ANO3: variants seen among roughly 807,000 people sequenced by gnomAD.
The protein encoded by ANO3 is anoctamin 3.
A neutral mutation model predicts 144.8 loss-of-function variants in ANO3; 99 were observed. The observed-to-expected ratio is 0.68, with a 90% CI of 0.58 to 0.81. ANO3 has a LOEUF of 0.81. Among genes scored for constraint, ANO3 ranks in the 30% least tolerant of loss-of-function variants. ANO3 has a pLI of 0.00. For synonymous variants in ANO3, 414 were observed against 392.6 expected (o/e 1.05, Z -0.64); for missense variants, 905 against 1,202.2 (o/e 0.75, Z 3.66).
intron 10 of ANO3, among the ~76,000 whole-genome samples, chr11:26,541,341 T>C (rs889349745): frequency 1.3e-5 from 2 of 152,140 alleles, no homozygotes; most frequent in African/African-American, 2.4e-5. Flanking sequence ...AAATACCTAA[T>C]GCAGATGACA....
intron 7 of ANO3, among the ~76,000 whole-genome samples, chr11:26,526,764 T>G (rs16915828): frequency 0.16 from 23,722 of 152,084 alleles, 1,971 homozygotes; most frequent in South Asian, 0.27. Flanking sequence ...CCTCTTTAAA[T>G]TAATGATGCT....
intron 1 of ANO3, among the ~76,000 whole-genome samples, chr11:26,240,801 T>C (rs1200800919): frequency 6.6e-6 from 1 of 152,198 alleles, no homozygotes; most frequent in Non-Finnish European, 1.5e-5. Flanking sequence ...TGGAAACGTA[T>C]ATCTTATTAC....
At chr11:26,655,552 C>T (rs1853658369) in intron 24 of ANO3, among the ~76,000 whole-genome samples, 1 of 152,102 alleles carries the variant, frequency 6.6e-6, no homozygotes, top group Admixed American at 6.6e-5. Context: ...TGCATTTTAA[C>T]ATTCTATACA....
At chr11:26,524,410 G>A (rs1442267562) in intron 6 of ANO3, among the ~76,000 whole-genome samples, 1 of 152,088 alleles carries the variant, frequency 6.6e-6, no homozygotes, top group Non-Finnish European at 1.5e-5. Flanking sequence ...TGCAGTGAAA[G>A]GGACTGCAAT....
At chr11:26,270,477 T>A (rs925536915) in intron 1 of ANO3, among the ~76,000 whole-genome samples, 1 of 152,322 alleles carries the variant, frequency 6.6e-6, no homozygotes. Flanking sequence ...TACATACTTT[T>A]ATTCTACGAT....
At chr11:26,373,749 C>T (rs978340670) in intron 1 of ANO3, among the ~76,000 whole-genome samples, 1 of 152,106 alleles carries the variant, frequency 6.6e-6, no homozygotes, top group African/African-American at 2.4e-5. Context: ...GGCATGCATG[C>T]ATCGTACATA....
chr11:26,529,035 C>A (rs1259905541), intron 7 of ANO3, among the ~76,000 whole-genome samples: 1 of 137,120 alleles, frequency 7.3e-6, no homozygotes, highest in Non-Finnish European at 1.5e-5. Flanking sequence ...CTTTCACATA[C>A]CAAGTCTTGC....
chr11:26,627,814 A>AGTAT (rs1852635873), intron 18 of ANO3, among the ~76,000 whole-genome samples: 1 of 131,212 alleles, frequency 7.6e-6, no homozygotes, highest in African/African-American at 2.9e-5. Flanking sequence ...AATAGAATCT[A>AGTAT]GTGTGTGTGT....
chr11:26,504,514 ATAAT>A (rs146223271), intron 4 of ANO3, among the ~76,000 whole-genome samples: 11,379 of 152,248 alleles, frequency 0.075, 599 homozygotes, highest in Admixed American at 0.13. Context: ...CAAACAAAAG[ATAAT>A]TAATGAATAA....
intron 12 of ANO3, among the ~76,000 whole-genome samples, chr11:26,548,991 T>C (rs1449652470): frequency 6.6e-6 from 1 of 151,164 alleles, no homozygotes; most frequent in East Asian, 1.9e-4. Context: ...TTTTAAAATA[T>C]GGGAAATGAT....
At chr11:26,332,875 T>A (rs1383837072) in intron 1 of ANO3, among the ~76,000 whole-genome samples, 3 of 152,194 alleles carry the variant, frequency 2.0e-5, no homozygotes, top group African/African-American at 7.2e-5. Context: ...TTTCAAGTTC[T>A]TGAGGTTAGG....
intron 4 of ANO3, among the ~76,000 whole-genome samples, chr11:26,474,707 G>C (rs1859897147): frequency 6.6e-6 from 1 of 151,788 alleles, no homozygotes; most frequent in African/African-American, 2.4e-5. Context: ...TTCAGTTCTT[G>C]TTTTGGTTTA....
intron 12 of ANO3, among the ~76,000 whole-genome samples, chr11:26,551,367 T>C (rs1248376513): frequency 1.1e-5 from 1 of 88,652 alleles, no homozygotes; most frequent in Non-Finnish European, 2.6e-5. Flanking sequence ...GAAACACTCA[T>C]GATGGGAACT....
At chr11:26,240,556 C>T (rs1852640761) in intron 1 of ANO3, among the ~76,000 whole-genome samples, 1 of 152,144 alleles carries the variant, frequency 6.6e-6, no homozygotes, top group Non-Finnish European at 1.5e-5. Flanking sequence ...TTTTGTGATA[C>T]ATCTGTGAAA....
At chr11:26,222,106 T>C (rs1452796873) in intron 1 of ANO3, among the ~76,000 whole-genome samples, 2 of 152,212 alleles carry the variant, frequency 1.3e-5, no homozygotes, top group Non-Finnish European at 2.9e-5. Context: ...ACTCATTATT[T>C]CCACTTATGA....
intron 1 of ANO3, among the ~76,000 whole-genome samples, chr11:26,211,355 G>A (rs563311083): frequency 6.6e-6 from 1 of 152,198 alleles, no homozygotes; most frequent in African/African-American, 2.4e-5. Context: ...CACAGCTAAT[G>A]CCGTGTTTAG....
At chr11:26,453,767 CA>C (rs937538332) in intron 3 of ANO3, among the ~76,000 whole-genome samples, 1 of 152,100 alleles carries the variant, frequency 6.6e-6, no homozygotes, top group Non-Finnish European at 1.5e-5. Context: ...CCCAAATCAA[CA>C]AAATTTACAT....
At chr11:26,223,662 T>C (rs902255901) in intron 1 of ANO3, among the ~76,000 whole-genome samples, 2 of 151,586 alleles carry the variant, frequency 1.3e-5, no homozygotes, top group Middle Eastern at 3.5e-3. Flanking sequence ...GAGGTTTAAT[T>C]GGCTCACAGT....
At chr11:26,399,913 A>C (rs563725402) in intron 1 of ANO3, among the ~76,000 whole-genome samples, 1 of 152,178 alleles carries the variant, frequency 6.6e-6, no homozygotes, top group Non-Finnish European at 1.5e-5. Context: ...TTTTGGACTT[A>C]AACTACCCAT....
Sources: gnomAD v4.1 joint callset for allele counts (sites outside exome capture counted in the v4.1 genomes callset) on GRCh38, gnomAD v4.1.1 for gene constraint, MANE v1.5 for transcripts, NCBI Gene and HGNC (gene_info 2026-07-23, HGNC 2026-07-21) for gene names.